The following BTBD9 variants were observed in gnomAD, a reference collection of about 807,000 sequenced individuals.
BTBD9 encodes the protein BTB/POZ domain-containing protein 9.
A neutral mutation model predicts 64.3 loss-of-function variants in BTBD9; 49 were observed. The ratio of observed to expected loss-of-function variants is 0.76; its 90% CI spans 0.61 to 0.97. The LOEUF (loss-of-function observed/expected upper bound fraction) is 0.97, where lower values mean the gene tolerates loss of function less well. Ranked by LOEUF, BTBD9 falls within the 50% of genes least tolerant of loss-of-function variation. The pLI is 0.00. For synonymous variants in BTBD9, 260 were observed against 274.7 expected (o/e 0.95, Z 0.53); for missense variants, 598 against 762.1 (o/e 0.78, Z 2.53).
At chr6:38,635,877 C>G (rs1285259108) in intron 1 of BTBD9, among the ~76,000 whole-genome samples, 1 of 152,044 alleles carries the variant, frequency 6.6e-6, no homozygotes, top group Non-Finnish European at 1.5e-5. Context: ...AATAGCAGCA[C>G]AAAACAAAGA....
intron 6 of BTBD9, among the ~76,000 whole-genome samples, chr6:38,399,209 C>A (rs761592889): frequency 7.9e-5 from 12 of 152,162 alleles, no homozygotes; most frequent in Non-Finnish European, 1.3e-4. Context: ...CCACTGATTT[C>A]TTAATCTTTC....
intron 6 of BTBD9, among the ~76,000 whole-genome samples, chr6:38,381,545 C>T (rs575541269): frequency 9.2e-5 from 14 of 152,156 alleles, no homozygotes; most frequent in Admixed American, 2.0e-4. Context: ...ATAGATCAAC[C>T]AGACAAAGTC....
intron 7 of BTBD9, among the ~76,000 whole-genome samples, chr6:38,314,144 T>C (rs1480141240): frequency 1.3e-5 from 2 of 152,022 alleles, no homozygotes; most frequent in Non-Finnish European, 2.9e-5. Context: ...GTTAGTATTC[T>C]GTTGAGGATG....
chr6:38,297,578 T>C (rs1272881293), intron 7 of BTBD9, among the ~76,000 whole-genome samples: 2 of 152,188 alleles, frequency 1.3e-5, no homozygotes, highest in Non-Finnish European at 2.9e-5. Flanking sequence ...TGTTGTCTGA[T>C]GTCAAGTAAC....
At chr6:38,615,270 CTCTTTGTATT>C (rs1199155563) in intron 1 of BTBD9, among the ~76,000 whole-genome samples, 1 of 152,256 alleles carries the variant, frequency 6.6e-6, no homozygotes, top group Non-Finnish European at 1.5e-5. Flanking sequence ...CAAATTGTAT[CTCTTTGTATT>C]TATACATTTC....
intron 7 of BTBD9, among the ~76,000 whole-genome samples, chr6:38,311,747 T>A (rs1762844062): frequency 1.3e-5 from 2 of 152,268 alleles, no homozygotes; most frequent in Admixed American, 1.3e-4. Context: ...ACATTTGTTA[T>A]TGTCTGTCTT....
At chr6:38,188,760 G>A (rs565249369) in intron 10 of BTBD9, among the ~76,000 whole-genome samples, 5 of 152,174 alleles carry the variant, frequency 3.3e-5, no homozygotes, top group African/African-American at 4.8e-5. Context: ...CAGGTTCAGC[G>A]GAGGTCATGA....
intron 6 of BTBD9, among the ~76,000 whole-genome samples, chr6:38,413,267 T>C (rs989193100): frequency 1.3e-5 from 2 of 152,332 alleles, no homozygotes; most frequent in East Asian, 3.9e-4. Context: ...GTGGGTGGCA[T>C]GCGAGCTGGA....
intron 7 of BTBD9, among the ~76,000 whole-genome samples, chr6:38,311,760 G>A (rs547994374): frequency 8.5e-5 from 13 of 152,196 alleles, no homozygotes; most frequent in African/African-American, 3.1e-4. Flanking sequence ...TCTGTCTTTT[G>A]GATAAAAGCT....
chr6:38,293,476 A>G (rs910437702), intron 7 of BTBD9, among the ~76,000 whole-genome samples: 6 of 152,180 alleles, frequency 3.9e-5, no homozygotes, highest in Non-Finnish European at 7.3e-5. Context: ...AGATATATGG[A>G]CCAATGGAAC....
intron 6 of BTBD9, among the ~76,000 whole-genome samples, chr6:38,466,310 T>C (rs9357275): frequency 0.17 from 14,323 of 84,930 alleles, 990 homozygotes; most frequent in East Asian, 0.38. Context: ...TTTTTTTTTT[T>C]AGATGGAGTT....
At chr6:38,294,988 T>C (rs1400492601) in intron 7 of BTBD9, among the ~76,000 whole-genome samples, 2 of 152,274 alleles carry the variant, frequency 1.3e-5, no homozygotes, top group East Asian at 1.9e-4. Context: ...TCTCTTTTTT[T>C]CCCTCTGGAA....
intron 6 of BTBD9, among the ~76,000 whole-genome samples, chr6:38,455,517 G>A (rs1024427233): frequency 1.3e-5 from 2 of 152,188 alleles, no homozygotes; most frequent in Non-Finnish European, 2.9e-5. Flanking sequence ...CATACAGTAT[G>A]TAGCCTTTTG....
At chr6:38,466,030 T>C (rs945612077) in intron 6 of BTBD9, among the ~76,000 whole-genome samples, 3 of 150,566 alleles carry the variant, frequency 2.0e-5, no homozygotes, top group African/African-American at 7.3e-5. Context: ...CCAGGCTAGT[T>C]TCAAGTTCCT....
chr6:38,392,876 T>TC (rs1766492720), intron 6 of BTBD9, among the ~76,000 whole-genome samples: 1 of 17,192 alleles, frequency 5.8e-5, no homozygotes, highest in Non-Finnish European at 8.0e-5. Flanking sequence ...AAGACAATGA[T>TC]TTTTTTTTTT....
intron 6 of BTBD9, among the ~76,000 whole-genome samples, chr6:38,362,082 G>A (rs1764984995): frequency 6.6e-6 from 1 of 152,052 alleles, no homozygotes; most frequent in African/African-American, 2.4e-5. Flanking sequence ...AGTACTTCAG[G>A]TGTCTTGGCT....
chr6:38,467,606 C>T (rs1416434364), intron 6 of BTBD9, among the ~76,000 whole-genome samples: 1 of 152,204 alleles, frequency 6.6e-6, no homozygotes, highest in East Asian at 1.9e-4. Context: ...CTACGCCATG[C>T]ACCACCATTC....
chr6:38,209,188 G>A (rs1458070736), intron 9 of BTBD9, among the ~76,000 whole-genome samples: 1 of 152,028 alleles, frequency 6.6e-6, no homozygotes, highest in Non-Finnish European at 1.5e-5. Context: ...TACTGCCTGC[G>A]CCTGCCCTGG....
At chr6:38,529,158 T>C (rs1773660266) in intron 6 of BTBD9, among the ~76,000 whole-genome samples, 1 of 152,190 alleles carries the variant, frequency 6.6e-6, no homozygotes, top group Non-Finnish European at 1.5e-5. Flanking sequence ...CAGTGGTCAC[T>C]GTGGGGCTTG....
Sources: gnomAD v4.1 joint callset for allele counts (sites outside exome capture counted in the v4.1 genomes callset) on GRCh38, gnomAD v4.1.1 for gene constraint, MANE v1.5 for transcripts, NCBI Gene and HGNC (gene_info 2026-07-23, HGNC 2026-07-21) for gene names.